LUZP1: variants seen among roughly 807,000 people sequenced by gnomAD.
LUZP1 encodes filamin mechanobinding actin cross-linking protein.
A neutral mutation model predicts 71.3 loss-of-function variants in LUZP1; 25 were observed. The observed-to-expected ratio is 0.35, with a 90% CI of 0.26 to 0.49. LUZP1 has a LOEUF of 0.49. Among genes scored for constraint, LUZP1 ranks in the 20% least tolerant of loss-of-function variants. LUZP1 has a pLI of 0.99. For missense variants in LUZP1, 1,142 were observed against 1,300.8 expected, an observed-to-expected ratio of 0.88 and a Z score of 1.88; for synonymous variants, 481 against 506.4, an observed-to-expected ratio of 0.95 and a Z score of 0.67.
exon 5 of LUZP1, chr1:23,088,740 G>T: frequency 1.9e-6 from 2 of 1,073,352 alleles, no homozygotes; most frequent in Non-Finnish European, 2.6e-6. Context: ...TGGCCAAATG[G>T]CAAAAATTAC....
chr1:23,132,962 C>G (rs1644225881), intron 2 of LUZP1, among the ~76,000 whole-genome samples: 1 of 152,158 alleles, frequency 6.6e-6, no homozygotes, highest in Non-Finnish European at 1.5e-5. Flanking sequence ...CTACAGGACT[C>G]AGAAACTGAA....
intron 1 of LUZP1, among the ~76,000 whole-genome samples, chr1:23,176,014 C>G (rs967440547): frequency 1.3e-5 from 2 of 151,880 alleles, no homozygotes; most frequent in Admixed American, 6.6e-5. Flanking sequence ...TACTAGAAAA[C>G]ACTGTCTCTT....
chr1:23,092,394 T>C (rs753591265), exon 4 of LUZP1: 18 of 1,614,088 alleles, frequency 1.1e-5, no homozygotes, highest in Non-Finnish European at 1.4e-5. Context: ...CCCTTCTTTA[T>C]GTGAGGTTGA....
At chr1:23,106,204 T>C (rs912081333) in intron 3 of LUZP1, among the ~76,000 whole-genome samples, 19 of 152,214 alleles carry the variant, frequency 1.2e-4, no homozygotes, top group African/African-American at 4.1e-4. Flanking sequence ...GGATCACTGT[T>C]CTCATTCTTT....
intron 4 of LUZP1, chr1:23,090,829 C>A: frequency 1.4e-6 from 1 of 715,824 alleles, no homozygotes. Flanking sequence ...CAGAGCTCCC[C>A]ATCAGCTGCA....
At chr1:23,168,159 CCGGCCCG>C (rs1000015753) in intron 2 of LUZP1, among the ~76,000 whole-genome samples, 9 of 145,088 alleles carry the variant, frequency 6.2e-5, no homozygotes, top group African/African-American at 2.0e-4. Flanking sequence ...CCCTCCCCGC[CCGGCCCG>C]CGGCCCGCGC....
intron 2 of LUZP1, among the ~76,000 whole-genome samples, chr1:23,146,868 C>T (rs1282901841): frequency 6.6e-6 from 1 of 151,870 alleles, no homozygotes; most frequent in Non-Finnish European, 1.5e-5. Flanking sequence ...GAGGCCGAGG[C>T]AGGCGGATCA....
intron 2 of LUZP1, among the ~76,000 whole-genome samples, chr1:23,111,542 C>T (rs1156280733): frequency 6.6e-6 from 1 of 152,154 alleles, no homozygotes; most frequent in East Asian, 1.9e-4. Flanking sequence ...GCTTAGATGA[C>T]AGAGTGACGC....
intron 2 of LUZP1, among the ~76,000 whole-genome samples, chr1:23,117,100 T>C (rs1644085410): frequency 6.6e-6 from 1 of 152,202 alleles, no homozygotes; most frequent in Non-Finnish European, 1.5e-5. Context: ...GTAACAAGTT[T>C]ATTTCCATTT....
chr1:23,118,443 C>A (rs1644103807), intron 2 of LUZP1, among the ~76,000 whole-genome samples: 1 of 152,132 alleles, frequency 6.6e-6, no homozygotes, highest in South Asian at 2.1e-4. Flanking sequence ...CATTCACACA[C>A]CAGGTAGTAC....
exon 4 of LUZP1, chr1:23,092,450 C>G (rs1298357162): frequency 1.2e-6 from 2 of 1,614,186 alleles, no homozygotes; most frequent in Admixed American, 3.3e-5. Flanking sequence ...TATAAGGATA[C>G]TTCGATAGAA....
intron 1 of LUZP1, among the ~76,000 whole-genome samples, chr1:23,176,102 C>T (rs1250032792): frequency 2.0e-5 from 3 of 149,466 alleles, no homozygotes; most frequent in African/African-American, 7.4e-5. Context: ...TGCTCTGTCG[C>T]CCAGGCTGGA....
Position 23,093,752 on chromosome 1 carries a change from G to T in LUZP1, c.510C>A (p.Asp170Glu). 1.9e-6 allele frequency: 3 copies of T among 1,613,732 alleles called. No homozygotes were observed. The highest frequency in any genetic ancestry group is 1.7e-6 in the Non-Finnish European group (2 of 1,180,024). ...AACTCTGCTCAGTTTTATCCAGGCG[G>T]TCCTCAGAAGATTCTAGTTCTTTCA... Residue 170 changes from aspartate (D) to glutamate (E), a missense_variant, in exon 4 of 5, where the codon GAC becomes GAA. Coordinates refer to ENST00000302291, the Ensembl canonical transcript of LUZP1. This position sits in a 1 kb window ranked among gnomAD's most constrained non-coding sequence, Gnocchi z 4.2.
chr1:23,101,955 A>C (rs1431679860), intron 3 of LUZP1, among the ~76,000 whole-genome samples: 1 of 152,124 alleles, frequency 6.6e-6, no homozygotes, highest in African/African-American at 2.4e-5. Flanking sequence ...ACCAATCATA[A>C]AACTATGATA....
intron 2 of LUZP1, among the ~76,000 whole-genome samples, chr1:23,137,284 G>T (rs1303551497): frequency 6.6e-6 from 1 of 152,194 alleles, no homozygotes; most frequent in African/African-American, 2.4e-5. Context: ...GAAGATATAC[G>T]AATGGCCAAT....
chr1:23,092,711 T>C, exon 4 of LUZP1: 3 of 1,614,048 alleles, frequency 1.9e-6, no homozygotes, highest in Non-Finnish European at 2.5e-6. Context: ...TGGGAACAGA[T>C]CCATGGGTGG....
At chr1:23,147,555 C>T (rs914479788) in intron 2 of LUZP1, among the ~76,000 whole-genome samples, 2 of 138,196 alleles carry the variant, frequency 1.4e-5, no homozygotes, top group Admixed American at 8.1e-5. Flanking sequence ...GGAAGGATCA[C>T]TTGAGGCCAG....
intron 3 of LUZP1, among the ~76,000 whole-genome samples, chr1:23,101,873 A>C (rs1450181658): frequency 6.6e-6 from 1 of 152,226 alleles, no homozygotes; most frequent in African/African-American, 2.4e-5. Flanking sequence ...TAGAACACCT[A>C]TGATGCACCC....
intron 2 of LUZP1, among the ~76,000 whole-genome samples, chr1:23,119,934 T>G (rs1644116967): frequency 1.3e-5 from 2 of 152,088 alleles, no homozygotes; most frequent in African/African-American, 4.8e-5. Context: ...GGTTTTGTTT[T>G]TTGTTGGTAG....
Sources: allele counts gnomAD v4.1 joint callset (sites outside exome capture counted in the v4.1 genomes callset), GRCh38; gene constraint gnomAD v4.1.1; non-coding constraint Gnocchi (gnomAD v3.1); transcripts MANE v1.5; gene names NCBI Gene and HGNC (gene_info 2026-07-23, HGNC 2026-07-21).